The following TDRD3 variants were observed in gnomAD, a reference collection of about 807,000 sequenced individuals.
TDRD3 encodes tudor domain containing 3, also known as tudor domain-containing protein 3.
In TDRD3, 45 loss-of-function variants were observed where a neutral mutation model predicts 86.7. That is an observed-to-expected ratio of 0.52 (90% confidence interval 0.41 to 0.67). The LOEUF is 0.67. TDRD3 is among the 30% of genes least tolerant of loss of function. The pLI is 0.00. For missense variants in TDRD3, 814 were observed against 889.0 expected, an observed-to-expected ratio of 0.92 and a Z score of 1.07; for synonymous variants, 298 against 301.7, an observed-to-expected ratio of 0.99 and a Z score of 0.13.
chr13:60,501,020 C>T (rs1277411341), intron 8 of TDRD3, among the ~76,000 whole-genome samples: 1 of 152,192 alleles, frequency 6.6e-6, no homozygotes, highest in African/African-American at 2.4e-5. Context: ...CCAAGGCTGA[C>T]CTGGCTATGG....
intron 5 of TDRD3, among the ~76,000 whole-genome samples, chr13:60,474,909 G>T (rs1956153078): frequency 1.3e-5 from 2 of 150,970 alleles, no homozygotes; most frequent in Admixed American, 6.6e-5. Flanking sequence ...TACTTTTTAA[G>T]GATATTTTCT....
At chr13:60,406,956 A>C (rs1011991647) in intron 1 of TDRD3, among the ~76,000 whole-genome samples, 2 of 152,230 alleles carry the variant, frequency 1.3e-5, no homozygotes, top group African/African-American at 4.8e-5. Flanking sequence ...TTATTTTATT[A>C]AATTTCTAAG....
intron 11 of TDRD3, among the ~76,000 whole-genome samples, chr13:60,533,295 TATG>T (rs1430027862): frequency 2.6e-5 from 4 of 152,102 alleles, no homozygotes; most frequent in African/African-American, 9.7e-5. Context: ...ATGTGAAAAA[TATG>T]AATTTTTGTT....
intron 1 of TDRD3, among the ~76,000 whole-genome samples, chr13:60,412,753 A>G (rs1954396044): frequency 6.6e-6 from 1 of 152,130 alleles, no homozygotes; most frequent in African/African-American, 2.4e-5. Flanking sequence ...TTCATGGAAA[A>G]TAAAATTGAA....
intron 1 of TDRD3, among the ~76,000 whole-genome samples, chr13:60,407,963 G>A (rs1423899113): frequency 1.3e-5 from 2 of 152,128 alleles, no homozygotes; most frequent in Non-Finnish European, 2.9e-5. Flanking sequence ...AATACGTCTC[G>A]TGAGATCTGA....
intron 7 of TDRD3, among the ~76,000 whole-genome samples, chr13:60,486,548 C>T (rs1348761276): frequency 6.6e-6 from 1 of 152,024 alleles, no homozygotes; most frequent in Non-Finnish European, 1.5e-5. Context: ...TACGTGTATA[C>T]AATATGTAAT....
chr13:60,397,044 G>A (rs1953930025), upstream of TDRD3: 2 of 251,222 alleles, frequency 8.0e-6, no homozygotes, highest in East Asian at 1.4e-4. Flanking sequence ...CCCAAAACAA[G>A]TAAAAGCCTT....
At chr13:60,498,373 A>G (rs1956762619) in intron 8 of TDRD3, among the ~76,000 whole-genome samples, 1 of 152,136 alleles carries the variant, frequency 6.6e-6, no homozygotes, top group Non-Finnish European at 1.5e-5. Context: ...AAGTGGTGGC[A>G]CTCAACCATC....
intron 7 of TDRD3, 35 bp from the exon 8 acceptor site, chr13:60,494,400 T>C (rs1395356964): frequency 6.3e-7 from 1 of 1,587,060 alleles, no homozygotes; most frequent in Non-Finnish European, 8.6e-7. Flanking sequence ...AAATGCTGTC[T>C]ACATACCTCT....
intron 11 of TDRD3, 46 bp downstream of exon 11, chr13:60,529,263 A>T: frequency 3.3e-6 from 5 of 1,513,282 alleles, no homozygotes; most frequent in Non-Finnish European, 4.4e-6. Flanking sequence ...ACGAAATGTA[A>T]CATTCTAGTG....
At chr13:60,528,104 A>G (rs1233115938) in intron 10 of TDRD3, among the ~76,000 whole-genome samples, 2 of 152,292 alleles carry the variant, frequency 1.3e-5, no homozygotes, top group East Asian at 1.9e-4. Context: ...TAGCTGTATT[A>G]TAAGAATTTG....
chr13:60,573,684 T>G lies in TDRD3; in HGVS notation c.*78T>G. 1.0e-6 allele frequency: 1 copy of G among 981,034 alleles called. No individual in the cohort carries two copies. The highest frequency in any genetic ancestry group is 4.7e-5 in the South Asian group (1 of 21,194). The allele number at this position is 981,034 out of a possible 1,614,324, so 60.8% of individuals were successfully genotyped here. ...GAAACCTGTTGACAGACCTTCCACT[T>G]TCTCTTCAGAATAAGTAGCTGTGGT... On this transcript the variant is annotated 3_prime_UTR_variant, in exon 14 of 14. Coordinates refer to ENST00000377881, the MANE Select transcript of TDRD3 (RefSeq NM_001146070.2).
At chr13:60,501,129 T>G in intron 8 of TDRD3, among the ~76,000 whole-genome samples, 1 of 152,206 alleles carries the variant, frequency 6.6e-6, no homozygotes, top group Non-Finnish European at 1.5e-5. Context: ...TTGTTCTCAC[T>G]GGAATAGCCA....
intron 10 of TDRD3, among the ~76,000 whole-genome samples, chr13:60,526,601 T>G (rs1393740153): frequency 1.3e-5 from 2 of 151,610 alleles, no homozygotes; most frequent in Non-Finnish European, 2.9e-5. Flanking sequence ...ATTAGGCAGA[T>G]ATTCTTGGGG....
intron 1 of TDRD3, among the ~76,000 whole-genome samples, chr13:60,407,988 G>C (rs113833353): frequency 0.043 from 6,502 of 152,226 alleles, 240 homozygotes; most frequent in African/African-American, 0.1. Flanking sequence ...TTTTTCAGGG[G>C]TTTCCGCTTT....
At chr13:60,404,550 T>TC (rs1287197077) in intron 1 of TDRD3, among the ~76,000 whole-genome samples, 1 of 151,902 alleles carries the variant, frequency 6.6e-6, no homozygotes, top group Admixed American at 6.6e-5. Flanking sequence ...GACCTCGTGA[T>TC]CCGCCCGCCT....
At chr13:60,450,138 A>G (rs999529682) in intron 3 of TDRD3, among the ~76,000 whole-genome samples, 4 of 152,254 alleles carry the variant, frequency 2.6e-5, no homozygotes, top group Non-Finnish European at 2.9e-5. Context: ...TACTTTAGAG[A>G]TAAGAGAATT....
intron 1 of TDRD3, among the ~76,000 whole-genome samples, chr13:60,420,013 T>A (rs780226927): frequency 6.6e-6 from 1 of 152,064 alleles, no homozygotes; most frequent in Non-Finnish European, 1.5e-5. Flanking sequence ...ATTATTGTGG[T>A]TATGTGTTTT....
At chr13:60,508,153 C>T (rs964180559) in intron 8 of TDRD3, among the ~76,000 whole-genome samples, 12 of 152,028 alleles carry the variant, frequency 7.9e-5, no homozygotes, top group South Asian at 2.1e-4. Context: ...TCCATGCTCA[C>T]GGATAGGAAG....
Sources: allele counts gnomAD v4.1 joint callset (sites outside exome capture counted in the v4.1 genomes callset), GRCh38; gene constraint gnomAD v4.1.1; transcripts MANE v1.5; gene names NCBI Gene and HGNC (gene_info 2026-07-23, HGNC 2026-07-21).